Variants in ATAD3A observed in about 807,000 individuals in gnomAD.
ATAD3A encodes ATPase family AAA domain containing 3A.
Under a neutral mutation model 73.8 loss-of-function variants are expected in ATAD3A, and 46 were observed. The ratio of observed to expected loss-of-function variants is 0.62; its 90% CI spans 0.49 to 0.80. The LOEUF (loss-of-function observed/expected upper bound fraction) is 0.80. Ranked by LOEUF, ATAD3A falls within the 30% of genes least tolerant of loss-of-function variation. The pLI is 0.00. For synonymous variants in ATAD3A, 319 were observed against 350.0 expected (o/e 0.91, Z 0.99); for missense variants, 705 against 838.0 (o/e 0.84, Z 1.96).
rs988695731 is a variant in ATAD3A, at chr1:1,520,758, C to T, written c.750+141C>T. ...AGGGAGGAAGCCCACGTTGTACCTG[C>T]TGGCCTCGGCTTCTCCTCCCTTCTC... is the stretch of plus-strand genomic sequence containing the variant. On this transcript the variant is annotated intron_variant, in intron 7 of 15. Coordinates refer to ENST00000378756, the MANE Select transcript of ATAD3A (RefSeq NM_001170535.3). The surrounding 1 kb of genome is among the most constrained non-coding windows in gnomAD (Gnocchi z 4.0). 12 of 1,341,606 alleles carry T rather than the reference C, an allele frequency of 8.9e-6. No individual in the cohort carries two copies. The African/African-American group carries it at 1.5e-4, about 16-fold the overall frequency. The allele number at this position is 1,341,606 out of a possible 1,614,324, so 83.1% of individuals were successfully genotyped here. A position where few individuals can be genotyped will look rare whatever the true frequency, so the allele number is the denominator to read the frequency against.
rs995510039 is a variant in ATAD3A at position 1,512,649 on chromosome 1, C to T, written c.205+176C>T. ...CGTGCCGGGAGGATCGGACTCTTTCCGTCACCCGTTTGCACCTCTGCAGCT... is the reference window on the plus strand; with the variant it reads ...CGTGCCGGGAGGATCGGACTCTTTCTGTCACCCGTTTGCACCTCTGCAGCT... On this transcript the variant is annotated intron_variant, in intron 1 of 15. Coordinates refer to ENST00000378756, the MANE Select transcript of ATAD3A (RefSeq NM_001170535.3). 14 of 1,389,066 alleles carry T rather than the reference C, an allele frequency of 1.0e-5. No homozygotes were observed. In the Admixed American group the frequency reaches 1.8e-4, roughly 18 times the overall value. 86.0% of individuals were successfully genotyped at this position (1,389,066 alleles called of 1,614,324 possible).
At position 1,525,301 on chromosome 1, in the gene ATAD3A, ACTAAGC is replaced by A; in HGVS notation, c.1266+13_1266+18del. On this transcript the variant is annotated intron_variant, in intron 12 of 15. Transcript: ENST00000378756. ...TCGGAAGCGAGCCACCGTGAGTGTC[ACTAAGC>A]CTCTGGCCACAATGGGGTGGTGGGG... 1.9e-6 allele frequency: 3 copies of A among 1,613,328 alleles called. No individual in the cohort carries two copies. In the South Asian group the frequency reaches 3.3e-5, roughly 18 times the overall value.
chr1:1,522,715 G>T (rs754923973), intron 7 of ATAD3A, 29 bp from the exon 8 acceptor site: 2 of 1,610,304 alleles, frequency 1.2e-6, no homozygotes, highest in East Asian at 2.2e-5. Flanking sequence ...GGTGGGGGCC[G>T]GTGCGCCAGT....
In ATAD3A at chr1:1,517,081, TCC is replaced by T. The variant is rs1641383483; in HGVS notation, c.283-228_283-227del. ...GCAGTCCAAAAGGGGGTGTCCGGCC[TCC>T]CTCCCGGGGGGCCTTCGCGGGCTTC... On this transcript the variant is annotated intron_variant, in intron 2 of 15. Transcript: ENST00000378756. The T allele has an allele frequency of 4.0e-5, 60 of 1,517,320 alleles. 2 individuals are homozygous for T. The South Asian group carries it at 7.3e-4, about 18-fold the overall frequency. 94.0% of individuals were successfully genotyped at this position (1,517,320 alleles called of 1,614,324 possible).
chr1:1,514,955 C>T (rs561377348), intron 1 of ATAD3A, among the ~76,000 whole-genome samples: 1 of 152,332 alleles, frequency 6.6e-6, no homozygotes, highest in South Asian at 2.1e-4. Flanking sequence ...TTCATCGCAA[C>T]ATCCACCTCC....
chr1:1,524,035 G>A, intron 10 of ATAD3A, 71 bp downstream of exon 10: 1 of 1,606,158 alleles, frequency 6.2e-7, no homozygotes, highest in Non-Finnish European at 8.5e-7. Context: ...TGTCTGGGGG[G>A]CTCAGCTGCC....
rs115273128 is a variant in ATAD3A at position 1,534,532 on chromosome 1, G to A, written c.*460G>A. The A allele has an allele frequency of 1.4e-3, 705 of 488,842 alleles. 6 individuals are homozygous for A. Among genetic ancestry groups the A allele is most frequent in the African/African-American group, 0.012 (592 of 50,108 alleles). The allele number at this position is 488,842 out of a possible 1,614,324, so 30.3% of individuals were successfully genotyped here. A position where few individuals can be genotyped will look rare whatever the true frequency, so the allele number is the denominator to read the frequency against. Reference sequence around the variant, plus strand: ...CTGAACCCTGCTTCCCCCTGTGGCCGGCATGCCCCGATCTTTCACACACTG... The same window carrying A: ...CTGAACCCTGCTTCCCCCTGTGGCCAGCATGCCCCGATCTTTCACACACTG... On this transcript the variant is annotated 3_prime_UTR_variant, in exon 16 of 16. Transcript: ENST00000378756.
chr1:1,530,397 G>C (rs1002430193), intron 15 of ATAD3A, among the ~76,000 whole-genome samples: 1 of 152,322 alleles, frequency 6.6e-6, no homozygotes, highest in South Asian at 2.1e-4. Flanking sequence ...AGCTGGACCT[G>C]GTGGCACATG....
chr1:1,524,427 C>T, intron 11 of ATAD3A, 30 bp downstream of exon 11: 5 of 1,573,554 alleles, frequency 3.2e-6, no homozygotes, highest in Non-Finnish European at 4.3e-6. Context: ...TGCACCAGGC[C>T]CTTGGCTGCG....
At position 1,517,304 on chromosome 1, in the gene ATAD3A, T is replaced by C; in HGVS notation, c.283-7T>C. On this transcript the variant is annotated splice_polypyrimidine_tract_variant and splice_region_variant and intron_variant, in intron 2 of 15. Coordinates refer to ENST00000378756, the MANE Select transcript of ATAD3A (RefSeq NM_001170535.3). ...AAGTGCCAGCTGGTGAGTGCTGTGC[T>C]CTGCAGGAGTATGAGGCCGCCGTGG... 6.5e-7 allele frequency: 1 copy of C among 1,546,626 alleles called. No individual in the cohort carries two copies. The highest frequency in any genetic ancestry group is 2.5e-5 in the East Asian group (1 of 40,490).
At chr1:1,532,687 G>T (rs1642070383) in intron 15 of ATAD3A, among the ~76,000 whole-genome samples, 1 of 152,174 alleles carries the variant, frequency 6.6e-6, no homozygotes, top group Non-Finnish European at 1.5e-5. Flanking sequence ...CCTGGGTGGG[G>T]TGCAGCCACT....
chr1:1,522,988 C>A (rs1425872665), intron 8 of ATAD3A, 89 bp downstream of exon 8: 7 of 1,538,194 alleles, frequency 4.6e-6, no homozygotes, highest in Non-Finnish European at 6.1e-6. Context: ...ACCCTCCCGT[C>A]CCTTCCCTTT....
At chr1:1,527,971 T>C in intron 14 of ATAD3A, 109 bp downstream of exon 14, 3 of 1,366,790 alleles carry the variant, frequency 2.2e-6, no homozygotes, top group South Asian at 3.0e-5. Context: ...TTTTTTTTTT[T>C]TTTTTGAGAC....
At chr1:1,521,067 A>G (rs1315794316) in intron 7 of ATAD3A, among the ~76,000 whole-genome samples, 3 of 152,048 alleles carry the variant, frequency 2.0e-5, no homozygotes, top group African/African-American at 4.8e-5. Flanking sequence ...GCAGAGGCAG[A>G]GGCGGGCGGA....
intron 13 of ATAD3A, 87 bp from the exon 14 acceptor site, chr1:1,527,608 T>TA (rs1641892972): frequency 4.1e-5 from 60 of 1,479,022 alleles, no homozygotes; most frequent in Non-Finnish European, 5.2e-5. Context: ...CTTTAGGTTC[T>TA]CCCTGTGGGG....
At chr1:1,527,674 A>G in intron 13 of ATAD3A, 21 bp from the exon 14 acceptor site, 3 of 1,597,558 alleles carry the variant, frequency 1.9e-6, no homozygotes, top group Non-Finnish European at 2.6e-6. Context: ...CAGCATCCTC[A>G]TCCTCATCCC....
In ATAD3A at chr1:1,523,889, CAAG is replaced by C; in HGVS notation, c.1020_1022del (p.Lys340del). 3 of 1,614,004 alleles carry C rather than the reference CAAG, an allele frequency of 1.9e-6. No homozygotes were observed. Among genetic ancestry groups the C allele is most frequent in the Admixed American group, 1.7e-5 (1 of 60,016 alleles). On this transcript the variant is annotated inframe_deletion, in exon 10 of 16. Transcript: ENST00000378756. The surrounding 1 kb of genome is among the most constrained non-coding windows in gnomAD (Gnocchi z 5.1). ...ACATCGCCATAGCAACAAGGAACAC[CAAG>C]AAGAACCGCAGCCTGTACAGGAACA... is the stretch of plus-strand genomic sequence containing the variant.
At chr1:1,526,336 A>T (rs1331607185) in intron 12 of ATAD3A, 125 bp from the exon 13 acceptor site, 46 of 1,552,068 alleles carry the variant, frequency 3.0e-5, no homozygotes, top group Middle Eastern at 2.2e-4. Flanking sequence ...GGCTTTTGAG[A>T]GTAGATCCAT....
chr1:1,526,437 A>G (rs1421729745), intron 12 of ATAD3A, 24 bp from the exon 13 acceptor site: 1 of 1,600,048 alleles, frequency 6.2e-7, no homozygotes, highest in East Asian at 2.2e-5. Context: ...CCTGGTGCCT[A>G]AGGCTGGAAC....
Sources: gnomAD v4.1 joint callset for allele counts (sites outside exome capture counted in the v4.1 genomes callset) on GRCh38, gnomAD v4.1.1 for gene constraint, Gnocchi (gnomAD v3.1) non-coding constraint, MANE v1.5 for transcripts, NCBI Gene and HGNC (gene_info 2026-07-23, HGNC 2026-07-21) for gene names.